The following MAGI2 variants were observed in gnomAD, a reference collection of about 807,000 sequenced individuals.
MAGI2 encodes membrane associated guanylate kinase, WW and PDZ domain containing 2.
In MAGI2, 35 loss-of-function variants were observed where a neutral mutation model predicts 133.3. That is an observed-to-expected ratio of 0.26 (90% CI 0.20 to 0.35). The LOEUF (loss-of-function observed/expected upper bound fraction) is 0.35, where lower values mean the gene tolerates loss of function less well. MAGI2 is among the 10% of genes least tolerant of loss of function. The probability of loss-of-function intolerance (pLI) is 1.00; values close to 1 mark genes in which losing one functional copy is unlikely to be tolerated. For synonymous variants in MAGI2, 729 were observed against 710.6 expected (o/e 1.03, Z -0.41); for missense variants, 1,636 against 1,863.4 (o/e 0.88, Z 2.25).
chr7:78,663,847 C>G (rs1252217646), intron 2 of MAGI2, among the ~76,000 whole-genome samples: 1 of 152,158 alleles, frequency 6.6e-6, no homozygotes, highest in East Asian at 1.9e-4. Context: ...GGTGTCATGA[C>G]TAATCTCCCT....
chr7:79,324,032 C>G (rs1585570117), intron 1 of MAGI2, among the ~76,000 whole-genome samples: 2 of 152,124 alleles, frequency 1.3e-5, no homozygotes, highest in South Asian at 4.1e-4. Context: ...TCTGGCTCCA[C>G]TACTTCCTCT....
rs779100328 is a variant in MAGI2 at position 78,019,378 on chromosome 7, C to A, written c.4305G>T (p.Lys1435Asn). Reference sequence around the variant, plus strand: ...TGGGCAGCTTGTCAGAACCCGGCACCTTCCAGGGCCCCGGCGCGACGGCGG... The same window carrying A: ...TGGGCAGCTTGTCAGAACCCGGCACATTCCAGGGCCCCGGCGCGACGGCGG... ...RKAAVAPGPW[K>N]VPGSDKLPSV... The change falls in exon 22 of 22, where the codon AAG becomes AAT. Residue 1435 changes from lysine to asparagine, a missense_variant. Physicochemically the swap from Lys to Asn is moderately conservative, Grantham distance 94 (BLOSUM62 0). Coordinates refer to ENST00000354212, the MANE Select transcript of MAGI2 (RefSeq NM_012301.4). 24 of 1,319,572 alleles carry A rather than the reference C, an allele frequency of 1.8e-5. 1 individual carries two copies. The South Asian group carries it at 5.0e-4, about 27-fold the overall frequency. 81.7% of individuals were successfully genotyped at this position (1,319,572 alleles called of 1,614,324 possible). A position where few individuals can be genotyped will look rare whatever the true frequency, so the allele number is the denominator to read the frequency against.
At chr7:79,082,678 G>A (rs545952505) in intron 1 of MAGI2, among the ~76,000 whole-genome samples, 2 of 152,080 alleles carry the variant, frequency 1.3e-5, no homozygotes, top group East Asian at 1.9e-4. Context: ...GTTGGTTTTG[G>A]TTATTCAGGG....
At chr7:79,322,712 G>A (rs887200449) in intron 1 of MAGI2, among the ~76,000 whole-genome samples, 31 of 151,662 alleles carry the variant, frequency 2.0e-4, no homozygotes, top group African/African-American at 7.5e-4. Context: ...CTTGAACCCG[G>A]GAGGCAGAGG....
chr7:78,753,405 C>A (rs1300172125), intron 2 of MAGI2, among the ~76,000 whole-genome samples: 1 of 151,612 alleles, frequency 6.6e-6, no homozygotes, highest in Admixed American at 6.6e-5. Context: ...TAATAAAAAC[C>A]ATCCAACTTT....
At chr7:79,353,429 C>G (rs1406165) in intron 1 of MAGI2, 69,346 of 455,458 alleles carry the variant, frequency 0.15, 5,792 homozygotes, top group South Asian at 0.22. Context: ...CCAGAGCTTC[C>G]AGACCCAAGA....
At chr7:78,846,375 C>G (rs1024337464) in intron 2 of MAGI2, among the ~76,000 whole-genome samples, 6 of 151,912 alleles carry the variant, frequency 3.9e-5, no homozygotes, top group Non-Finnish European at 7.4e-5. Context: ...CTAATCATGT[C>G]AGATGGGTGG....
chr7:78,500,704 T>C (rs1794543823), intron 5 of MAGI2, among the ~76,000 whole-genome samples: 1 of 152,190 alleles, frequency 6.6e-6, no homozygotes, highest in South Asian at 2.1e-4. Context: ...TGTAAGCAAC[T>C]AATATAATGG....
intron 2 of MAGI2, among the ~76,000 whole-genome samples, chr7:78,898,538 C>G (rs1276947594): frequency 1.3e-5 from 2 of 152,130 alleles, no homozygotes; most frequent in South Asian, 2.1e-4. Context: ...TTCTCCTTAG[C>G]AAACTAACAC....
chr7:78,203,564 G>A (rs1039357430), intron 10 of MAGI2, among the ~76,000 whole-genome samples: 2 of 152,164 alleles, frequency 1.3e-5, no homozygotes, highest in African/African-American at 4.8e-5. Flanking sequence ...TACTGCTCAC[G>A]TGATGGCAGT....
intron 2 of MAGI2, among the ~76,000 whole-genome samples, chr7:78,985,061 GTGTGATCATAGCTAAC>G (rs1805130212): frequency 1.3e-5 from 2 of 150,426 alleles, no homozygotes; most frequent in South Asian, 2.1e-4. Context: ...GAATGCAGTG[GTGTGATCATAGCTAAC>G]TGTAGCCTCA....
rs552712121 is a variant in MAGI2, at chr7:78,517,236, G to A, written c.754+4194C>T. Reference sequence around the variant, plus strand: ...TCGGTTCAAAAACAATCTGTAAGATGATGTAAGGATACATCGTACTTGTCA... The same window carrying A: ...TCGGTTCAAAAACAATCTGTAAGATAATGTAAGGATACATCGTACTTGTCA... On this transcript the variant is annotated intron_variant, in intron 4 of 21. Coordinates refer to ENST00000354212, the MANE Select transcript of MAGI2 (RefSeq NM_012301.4). 4.6e-3 allele frequency among the ~76,000 whole-genome samples: 672 copies of A among 147,308 alleles called. 8 individuals are homozygous for A. The highest frequency in any genetic ancestry group is 0.016 in the African/African-American group (643 of 41,164).
At chr7:78,614,552 T>A (rs140804670) in intron 3 of MAGI2, 1 of 152,298 alleles carries the variant, frequency 6.6e-6, no homozygotes, top group Non-Finnish European at 1.5e-5. Context: ...TTTATTATAA[T>A]TGTAAAATAT....
intron 12 of MAGI2, among the ~76,000 whole-genome samples, chr7:78,194,027 G>C (rs544202640): frequency 6.6e-6 from 1 of 152,158 alleles, no homozygotes; most frequent in Non-Finnish European, 1.5e-5. Flanking sequence ...GATAAAGTTG[G>C]AAACAAGACA....
intron 3 of MAGI2, among the ~76,000 whole-genome samples, chr7:78,620,784 C>T (rs1247610685): frequency 6.6e-6 from 1 of 151,962 alleles, no homozygotes; most frequent in Admixed American, 6.6e-5. Context: ...AAACATTTAA[C>T]TCTAGGATCA....
chr7:78,460,712 C>T (rs1037824787), intron 6 of MAGI2, among the ~76,000 whole-genome samples: 4 of 152,154 alleles, frequency 2.6e-5, no homozygotes, highest in African/African-American at 7.2e-5. Context: ...AGGCCCTTTG[C>T]TTTGGGTTAA....
chr7:79,163,794 T>C (rs1257155238), intron 1 of MAGI2, among the ~76,000 whole-genome samples: 1 of 152,094 alleles, frequency 6.6e-6, no homozygotes, highest in Admixed American at 6.6e-5. Context: ...ACTATCTTTT[T>C]GATATTTGTT....
chr7:79,446,532 T>A (rs548457613), intron 1 of MAGI2, among the ~76,000 whole-genome samples: 6 of 152,288 alleles, frequency 3.9e-5, no homozygotes, highest in African/African-American at 1.4e-4. Context: ...TAAGGATTCA[T>A]GTAACGATTA....
At chr7:79,011,716 T>A (rs989755694) in intron 1 of MAGI2, among the ~76,000 whole-genome samples, 1 of 152,176 alleles carries the variant, frequency 6.6e-6, no homozygotes, top group African/African-American at 2.4e-5. Context: ...CAAAGCAAAC[T>A]ACTCTAATGT....
Sources: allele counts gnomAD v4.1 joint callset (sites outside exome capture counted in the v4.1 genomes callset), GRCh38; gene constraint gnomAD v4.1.1; transcripts MANE v1.5; gene names NCBI Gene and HGNC (gene_info 2026-07-23, HGNC 2026-07-21).